Variants in FAM200B observed in about 807,000 individuals in gnomAD.
The protein encoded by FAM200B is zinc finger BED-type containing 11, also known as protein FAM200B.
A neutral mutation model predicts 33.1 loss-of-function variants in FAM200B; 32 were observed. That is an observed-to-expected ratio of 0.97 (90% CI 0.73 to 1.30). FAM200B has a LOEUF of 1.30. Ranked by LOEUF, FAM200B falls within the 50% of genes most tolerant of loss-of-function variation. The pLI, the probability that FAM200B is intolerant of heterozygous loss-of-function variation, is 0.00. For missense variants in FAM200B, 741 were observed against 754.0 expected, an observed-to-expected ratio of 0.98 and a Z score of 0.20; for synonymous variants, 240 against 264.8, an observed-to-expected ratio of 0.91 and a Z score of 0.91.
chr4:15,688,890 C>G lies in FAM200B; in HGVS notation c.1913C>G (p.Ala638Gly). The change falls in exon 2 of 2, where the codon GCA becomes GGA. Residue 638 changes from alanine to glycine, a missense_variant. Transcript: ENST00000422728. ...GLNCAAVMRV[A>G]LSSCVPDWNE... ...AATTGTGCAGCAGTTATGCGGGTAG[C>G]ATTATCTTCCTGTGTTCCAGACTGG... 2 of 1,549,092 alleles carry G rather than the reference C, an allele frequency of 1.3e-6. No individual in the cohort carries two copies. The highest frequency in any genetic ancestry group is 1.7e-6 in the Non-Finnish European group (2 of 1,145,590).
chr4:15,645,354 T>C, the FAM200B span, among the ~76,000 whole-genome samples: 7 of 152,332 alleles, frequency 4.6e-5, no homozygotes, highest in African/African-American at 1.7e-4. Context: ...GAACCAGTTT[T>C]AAAGTCACAT....
At chr4:15,672,540 A>C in the FAM200B span, among the ~76,000 whole-genome samples, 1 of 152,196 alleles carries the variant, frequency 6.6e-6, no homozygotes, top group Non-Finnish European at 1.5e-5. Flanking sequence ...TTTGTATCTA[A>C]ACATAGAAAA....
At chr4:15,653,611 A>G in the FAM200B span, among the ~76,000 whole-genome samples, 2 of 151,906 alleles carry the variant, frequency 1.3e-5, no homozygotes, top group African/African-American at 4.8e-5. Flanking sequence ...GGATTCTGTT[A>G]GTCTTCACTT....
chr4:15,646,301 T>C, the FAM200B span, among the ~76,000 whole-genome samples: 1 of 152,082 alleles, frequency 6.6e-6, no homozygotes, highest in African/African-American at 2.4e-5. Context: ...AATGTAAAAG[T>C]GATGCTTGGC....
the FAM200B span, among the ~76,000 whole-genome samples, chr4:15,667,909 C>T: frequency 2.6e-5 from 4 of 151,984 alleles, no homozygotes; most frequent in East Asian, 1.9e-4. Flanking sequence ...GGCGTGGTGG[C>T]GGGTGCCTGT....
chr4:15,654,421 A>G, the FAM200B span, among the ~76,000 whole-genome samples: 1 of 152,196 alleles, frequency 6.6e-6, no homozygotes, highest in African/African-American at 2.4e-5. Context: ...ATGCTGCACC[A>G]ATTATGGGCC....
the FAM200B span, among the ~76,000 whole-genome samples, chr4:15,676,341 G>C: frequency 1.3e-5 from 2 of 152,080 alleles, no homozygotes; most frequent in East Asian, 3.8e-4. Context: ...AAACATGATA[G>C]AATAGGTTGA....
chr4:15,688,373 A>G lies in FAM200B; in HGVS notation c.1396A>G (p.Thr466Ala). ...TGAACGTATCCAGGGATTTCGAAAG[A>G]CATTATTGTTATGGCAAGTAAGACT... ...HVERIQGFRK[T>A]LLLWQVRLKS... is the part of the protein sequence containing the mutation. The change falls in exon 2 of 2, where the codon ACA becomes GCA. Residue 466 changes from threonine (T) to alanine (A), a missense_variant. Physicochemically the swap from Thr to Ala is moderately conservative, Grantham distance 58. Coordinates refer to ENST00000422728, the MANE Select transcript of FAM200B (RefSeq NM_001145191.2). 1.9e-6 allele frequency: 3 copies of G among 1,549,936 alleles called. No individual in the cohort carries two copies. In the South Asian group the frequency reaches 3.6e-5, roughly 18 times the overall value.
chr4:15,662,322 G>C, the FAM200B span, among the ~76,000 whole-genome samples: 1 of 150,576 alleles, frequency 6.6e-6, no homozygotes, highest in Admixed American at 6.6e-5. Context: ...GTTCAAAGGT[G>C]GTGGCACTTG....
At chr4:15,680,387 G>C (rs1254914450), upstream of FAM200B, among the ~76,000 whole-genome samples, 3 of 152,180 alleles carry the variant, frequency 2.0e-5, no homozygotes. Flanking sequence ...TCCAGTGGGA[G>C]AGGCTGGGTG....
chr4:15,670,138 CAT>C, the FAM200B span, among the ~76,000 whole-genome samples: 2 of 152,298 alleles, frequency 1.3e-5, no homozygotes, highest in South Asian at 4.1e-4. Flanking sequence ...GTAGTATTCT[CAT>C]ATGTGTTCCA....
At chr4:15,657,492 A>G in the FAM200B span, among the ~76,000 whole-genome samples, 3 of 152,358 alleles carry the variant, frequency 2.0e-5, no homozygotes, top group East Asian at 3.9e-4. Context: ...TTAAAAAGGT[A>G]TTTGGCAACA....
the FAM200B span, among the ~76,000 whole-genome samples, chr4:15,652,805 T>TTAC: frequency 6.6e-6 from 1 of 152,202 alleles, no homozygotes; most frequent in Non-Finnish European, 1.5e-5. Context: ...GAGCCCAAAT[T>TTAC]TGTACAGTGA....
the FAM200B span, among the ~76,000 whole-genome samples, chr4:15,668,422 A>G: frequency 6.6e-5 from 10 of 152,234 alleles, no homozygotes; most frequent in South Asian, 2.1e-3. Flanking sequence ...TTGAGTTTTT[A>G]AACAGCAGAT....
At chr4:15,652,383 T>C in the FAM200B span, among the ~76,000 whole-genome samples, 1 of 152,210 alleles carries the variant, frequency 6.6e-6, no homozygotes, top group African/African-American at 2.4e-5. Context: ...TTGGCCTAGC[T>C]AATCTAGGCC....
the FAM200B span, among the ~76,000 whole-genome samples, chr4:15,653,359 C>T: frequency 6.6e-6 from 1 of 152,170 alleles, no homozygotes; most frequent in South Asian, 2.1e-4. Flanking sequence ...CAAATACTCT[C>T]AACCACCAGG....
the FAM200B span, among the ~76,000 whole-genome samples, chr4:15,675,595 T>C: frequency 1.4e-5 from 2 of 145,050 alleles, no homozygotes; most frequent in Non-Finnish European, 3.0e-5. Context: ...TTTTTTTTTT[T>C]TTTGAGGCAG....
chr4:15,643,391 A>C, the FAM200B span, among the ~76,000 whole-genome samples: 1 of 152,244 alleles, frequency 6.6e-6, no homozygotes, highest in Non-Finnish European at 1.5e-5. Context: ...AGGGAAATAA[A>C]CTAAGATCAA....
the FAM200B span, chr4:15,640,874 C>A: frequency 6.8e-7 from 1 of 1,472,292 alleles, no homozygotes; most frequent in Non-Finnish European, 9.1e-7. Context: ...TTTAACTGTT[C>A]ATATTCATTC....
Sources: gnomAD v4.1 joint callset for allele counts (sites outside exome capture counted in the v4.1 genomes callset) on GRCh38, gnomAD v4.1.1 for gene constraint, MANE v1.5 for transcripts, NCBI Gene and HGNC (gene_info 2026-07-23, HGNC 2026-07-21) for gene names.